CCDC178: variants seen among roughly 807,000 people sequenced by gnomAD.
CCDC178 encodes coiled-coil domain containing 178, also known as coiled-coil domain-containing protein 178.
A neutral mutation model predicts 117.4 loss-of-function variants in CCDC178; 126 were observed. That is an observed-to-expected ratio of 1.07 (90% confidence interval 0.93 to 1.24). CCDC178 has a LOEUF of 1.24. CCDC178 is among the 50% of genes most tolerant of loss of function. The pLI is 0.00. For synonymous variants in CCDC178, 283 were observed against 313.4 expected, an observed-to-expected ratio of 0.90 and a Z score of 1.02; for missense variants, 1,030 against 986.9, an observed-to-expected ratio of 1.04 and a Z score of -0.59.
intron 20 of CCDC178, among the ~76,000 whole-genome samples, chr18:33,098,608 C>G (rs1020725849): frequency 1.3e-5 from 2 of 152,050 alleles, no homozygotes; most frequent in Admixed American, 6.6e-5. Flanking sequence ...GCATAGACCG[C>G]ACTACATTCA....
intron 22 of CCDC178, among the ~76,000 whole-genome samples, chr18:32,964,314 A>G (rs2054766791): frequency 6.6e-6 from 1 of 151,954 alleles, no homozygotes; most frequent in Admixed American, 6.6e-5. Context: ...TGCATATGTT[A>G]AAGGCTGAGG....
chr18:33,406,131 C>G (rs1028807367), intron 3 of CCDC178, among the ~76,000 whole-genome samples: 13 of 151,762 alleles, frequency 8.6e-5, no homozygotes, highest in African/African-American at 3.1e-4. Context: ...AAAAGGACAG[C>G]AAATAATGTA....
chr18:33,412,478 ATCT>A (rs2063870847), intron 2 of CCDC178, among the ~76,000 whole-genome samples: 1 of 6,878 alleles, frequency 1.5e-4, no homozygotes, highest in Non-Finnish European at 3.4e-4. Context: ...ACTACCATCT[ATCT>A]CTTCTTTACC....
intron 20 of CCDC178, among the ~76,000 whole-genome samples, chr18:33,156,753 G>C (rs886433062): frequency 2.6e-5 from 4 of 152,060 alleles, no homozygotes; most frequent in African/African-American, 4.8e-5. Context: ...GTTGTGGGGA[G>C]AGGGATGGAA....
chr18:33,119,421 G>C (rs1344378050), intron 20 of CCDC178, among the ~76,000 whole-genome samples: 1 of 152,090 alleles, frequency 6.6e-6, no homozygotes, highest in Non-Finnish European at 1.5e-5. Flanking sequence ...GCAGCCAACA[G>C]ACACATGAAA....
intron 14 of CCDC178, among the ~76,000 whole-genome samples, chr18:33,247,987 A>C (rs2059570741): frequency 6.6e-6 from 1 of 151,882 alleles, no homozygotes; most frequent in Non-Finnish European, 1.5e-5. Context: ...GACTTGAGAA[A>C]AAAATAGGAC....
At chr18:33,379,556 A>G (rs2063413437) in intron 5 of CCDC178, among the ~76,000 whole-genome samples, 1 of 152,134 alleles carries the variant, frequency 6.6e-6, no homozygotes, top group African/African-American at 2.4e-5. Context: ...AGTGGCCAGA[A>G]TAAGCACTAG....
intron 20 of CCDC178, among the ~76,000 whole-genome samples, chr18:33,202,391 TAAAAAAAAAAAAAAAAAAA>T (rs60997290): frequency 2.0e-4 from 4 of 20,284 alleles, no homozygotes; most frequent in African/African-American, 4.5e-4. Flanking sequence ...GACTCCATCT[TAAAAAAAAAAAAAAAAAAA>T]AAAAAAAAAA....
At chr18:33,170,815 C>A (rs889965714) in intron 20 of CCDC178, among the ~76,000 whole-genome samples, 1 of 151,972 alleles carries the variant, frequency 6.6e-6, no homozygotes, top group Non-Finnish European at 1.5e-5. Flanking sequence ...ACAAGAGAAC[C>A]AATTAAATAG....
intron 20 of CCDC178, among the ~76,000 whole-genome samples, chr18:33,184,643 T>G (rs1191254239): frequency 2.0e-5 from 3 of 152,006 alleles, no homozygotes; most frequent in African/African-American, 7.2e-5. Flanking sequence ...TTAGTCTATT[T>G]TTGGGGGAAA....
chr18:33,388,208 G>A (rs2063520432), intron 5 of CCDC178, among the ~76,000 whole-genome samples: 1 of 152,104 alleles, frequency 6.6e-6, no homozygotes, highest in Non-Finnish European at 1.5e-5. Flanking sequence ...AAAAAGTCAA[G>A]AAACAACAGA....
intron 5 of CCDC178, among the ~76,000 whole-genome samples, chr18:33,383,723 A>T (rs1219593365): frequency 6.6e-6 from 1 of 152,164 alleles, no homozygotes; most frequent in East Asian, 1.9e-4. Flanking sequence ...AGCCTCAAAG[A>T]TCAATGGTAG....
At chr18:33,283,859 G>T (rs869209374) in intron 12 of CCDC178, among the ~76,000 whole-genome samples, 2 of 152,212 alleles carry the variant, frequency 1.3e-5, no homozygotes, top group Non-Finnish European at 1.5e-5. Context: ...ATTCCACAAA[G>T]ACCTAAAGGC....
intron 20 of CCDC178, among the ~76,000 whole-genome samples, chr18:33,108,203 A>C (rs2032893842): frequency 6.6e-6 from 1 of 151,618 alleles, no homozygotes. Flanking sequence ...TAGTATACCT[A>C]AGTGTTTATG....
At chr18:32,949,058 T>TTA (rs1282446150) in intron 22 of CCDC178, among the ~76,000 whole-genome samples, 3 of 152,158 alleles carry the variant, frequency 2.0e-5, no homozygotes, top group Non-Finnish European at 4.4e-5. Flanking sequence ...TTACTTTAAA[T>TTA]ATGTTACTCC....
At chr18:33,374,436 A>T (rs80051604) in intron 5 of CCDC178, among the ~76,000 whole-genome samples, 18,473 of 152,236 alleles carry the variant, frequency 0.12, 1,471 homozygotes, top group Non-Finnish European at 0.17. Flanking sequence ...ACAGTTCAAT[A>T]CAACTTCACA....
At chr18:33,241,262 C>T (rs1411834344) in intron 15 of CCDC178, among the ~76,000 whole-genome samples, 3 of 151,824 alleles carry the variant, frequency 2.0e-5, no homozygotes, top group Non-Finnish European at 2.9e-5. Context: ...AAAAGCTAAA[C>T]GTCTTTCCTC....
chr18:33,112,612 A>G (rs1479909006), intron 20 of CCDC178, among the ~76,000 whole-genome samples: 2 of 151,932 alleles, frequency 1.3e-5, no homozygotes. Flanking sequence ...TCAGCACTAG[A>G]AGAGTCTGCA....
chr18:33,222,384 G>A (rs1047030596), intron 18 of CCDC178, among the ~76,000 whole-genome samples: 5 of 149,922 alleles, frequency 3.3e-5, no homozygotes, highest in East Asian at 2.0e-4. Context: ...ACAACAAAAC[G>A]CCTTAGAATG....
Sources: allele counts gnomAD v4.1 joint callset (sites outside exome capture counted in the v4.1 genomes callset), GRCh38; gene constraint gnomAD v4.1.1; transcripts MANE v1.5; gene names NCBI Gene and HGNC (gene_info 2026-07-23, HGNC 2026-07-21).